The following INO80C variants were observed in gnomAD, a reference collection of about 807,000 sequenced individuals.
The protein encoded by INO80C is INO80 complex subunit C.
A neutral mutation model predicts 17.7 loss-of-function variants in INO80C; 17 were observed. The ratio of observed to expected loss-of-function variants is 0.96; its 90% confidence interval spans 0.66 to 1.44. The LOEUF is 1.44. Among genes scored for constraint, INO80C ranks in the 40% most tolerant of loss-of-function variants. The pLI is 0.00. For synonymous variants in INO80C, 96 were observed against 95.8 expected, an observed-to-expected ratio of 1.00 and a Z score of -0.01; for missense variants, 244 against 245.0, an observed-to-expected ratio of 1.00 and a Z score of 0.03.
chr18:35,471,600 CTTTTT>C (rs560644307), intron 4 of INO80C, among the ~76,000 whole-genome samples: 4 of 149,316 alleles, frequency 2.7e-5, no homozygotes, highest in African/African-American at 9.8e-5. Flanking sequence ...CACACTATTT[CTTTTT>C]TTTTTAATTT....
chr18:35,474,477 C>T lies in INO80C; in HGVS notation c.447+3805G>A, dbSNP rs535369254. 1.3e-3 allele frequency among the ~76,000 whole-genome samples: 202 copies of T among 151,402 alleles called. 1 individual carries two copies. Among genetic ancestry groups the T allele is most frequent in the South Asian group, 3.1e-3 (15 of 4,792 alleles). ...CCAAGGCAGGAGGATGACTTGAGGC[C>T]GGGAGTTCAGGACCAGCCTGGGCAA... On this transcript the variant is annotated intron_variant, in intron 4 of 4. Transcript: ENST00000334598.
Position 35,474,878 on chromosome 18 carries a change from G to A in INO80C, c.447+3404C>T, listed in dbSNP as rs564228125. On this transcript the variant is annotated intron_variant, in intron 4 of 4. Coordinates refer to ENST00000334598, the MANE Select transcript of INO80C (RefSeq NM_194281.4). ...CAGTAGATACCATCCAAACTGAACC[G>A]CAACGAAATAAGAGTTTTTAAAAGC... 1.5e-4 allele frequency among the ~76,000 whole-genome samples: 23 copies of A among 152,232 alleles called. No homozygotes were observed. In the East Asian group the frequency reaches 2.7e-3, roughly 18 times the overall value.
chr18:35,468,668 G>C lies in INO80C; in HGVS notation c.522C>G (p.Pro174=), dbSNP rs1234860993. The change falls in exon 5 of 5, where the codon CCC becomes CCG. Residue 174 remains proline, a synonymous_variant. Coordinates refer to ENST00000334598, the MANE Select transcript of INO80C (RefSeq NM_194281.4). ...IEEFSYIRRL[P]SDVVTGYLAL... ...CCAGGTAGCCGGTGACGACGTCAGA[G>C]GGCAGCCTCCGAATGTAGGAAAACT... The C allele has an allele frequency of 6.2e-7, 1 of 1,614,110 alleles. No individual in the cohort carries two copies. Among genetic ancestry groups the C allele is most frequent in the Non-Finnish European group, 8.5e-7 (1 of 1,180,010 alleles).
At chr18:35,476,777 G>A (rs2045742246) in intron 4 of INO80C, among the ~76,000 whole-genome samples, 1 of 152,134 alleles carries the variant, frequency 6.6e-6, no homozygotes, top group East Asian at 1.9e-4. Context: ...GATGTTGGGA[G>A]ATCACTTGAG....
At chr18:35,477,329 G>C (rs918253229) in intron 4 of INO80C, among the ~76,000 whole-genome samples, 1 of 152,170 alleles carries the variant, frequency 6.6e-6, no homozygotes, top group African/African-American at 2.4e-5. Flanking sequence ...TTCAGACAAA[G>C]TAGACTTCAG....
intron 1 of INO80C, chr18:35,489,366 G>T (rs1446297802): frequency 1.1e-5 from 3 of 266,936 alleles, no homozygotes; most frequent in African/African-American, 6.9e-5. Context: ...CACAATCATG[G>T]TGGAAGGCGA....
At chr18:35,496,142 C>A (rs994103094) in intron 1 of INO80C, among the ~76,000 whole-genome samples, 2 of 152,216 alleles carry the variant, frequency 1.3e-5, no homozygotes, top group African/African-American at 4.8e-5. Context: ...TACCTTCTGA[C>A]TCAGCAATTC....
chr18:35,497,231 C>T, intron 1 of INO80C: 2 of 583,728 alleles, frequency 3.4e-6, no homozygotes, highest in Non-Finnish European at 4.3e-6. Flanking sequence ...TAAGACCAAA[C>T]CTGCCTTTGG....
Position 35,468,487 on chromosome 18 carries a change from T to C in INO80C, c.*124A>G. ...ACCCTTAAATTAAAGCCAAACATTC[T>C]TTCCAAGGCACAGCACTGGCATTTT... On this transcript the variant is annotated 3_prime_UTR_variant, in exon 5 of 5. Transcript: ENST00000334598. 4.0e-6 allele frequency: 6 copies of C among 1,506,294 alleles called. No homozygotes were observed. In the East Asian group the frequency reaches 1.4e-4, roughly 34 times the overall value. 93.3% of individuals were successfully genotyped at this position (1,506,294 alleles called of 1,614,324 possible).
At position 35,478,353 on chromosome 18, in the gene INO80C, GGA is replaced by G; in HGVS notation, c.380-6_380-5del. ...GGAGGAGCATCAATACTGAAGTCTG[GGA>G]AAAAAAAAAAAAAAAGATAACTAAA... On this transcript the variant is annotated splice_region_variant and splice_polypyrimidine_tract_variant and intron_variant, in intron 3 of 4. Transcript: ENST00000334598. The G allele has an allele frequency of 1.3e-6, 2 of 1,527,052 alleles. No homozygotes were observed. Among genetic ancestry groups the G allele is most frequent in the Non-Finnish European group, 1.8e-6 (2 of 1,134,628 alleles). The allele number at this position is 1,527,052 out of a possible 1,614,324, so 94.6% of individuals were successfully genotyped here.
chr18:35,495,066 G>C (rs1407081107), intron 1 of INO80C, among the ~76,000 whole-genome samples: 2 of 152,228 alleles, frequency 1.3e-5, no homozygotes, highest in African/African-American at 4.8e-5. Flanking sequence ...CAGGGGTACT[G>C]TGCTTATGCC....
In INO80C at chr18:35,475,102, C is replaced by T. The variant is rs2045719346; in HGVS notation, c.447+3180G>A. 2.0e-5 allele frequency among the ~76,000 whole-genome samples: 3 copies of T among 150,052 alleles called. No individual in the cohort carries two copies. The Admixed American group carries it at 2.0e-4, about 10-fold the overall frequency. On this transcript the variant is annotated intron_variant, in intron 4 of 4. Transcript: ENST00000334598. Reference sequence around the variant, plus strand: ...CCTCAGAGAACATCAAGAATACATACCAGAAAAATAATACCCTGAGTCATA... The same window carrying T: ...CCTCAGAGAACATCAAGAATACATATCAGAAAAATAATACCCTGAGTCATA...
At chr18:35,479,892 T>C (rs2045784848) in intron 2 of INO80C, among the ~76,000 whole-genome samples, 2 of 151,906 alleles carry the variant, frequency 1.3e-5, no homozygotes, top group Admixed American at 1.3e-4. Flanking sequence ...CCTCTTTTTT[T>C]TTTTTTTTAT....
At chr18:35,475,017 A>G (rs1417828746) in intron 4 of INO80C, among the ~76,000 whole-genome samples, 2 of 152,254 alleles carry the variant, frequency 1.3e-5, no homozygotes, top group East Asian at 1.9e-4. Context: ...AAATATTTGA[A>G]GAAATAATAG....
At chr18:35,472,929 G>A (rs964394795) in intron 4 of INO80C, among the ~76,000 whole-genome samples, 3 of 152,178 alleles carry the variant, frequency 2.0e-5, no homozygotes, top group Non-Finnish European at 2.9e-5. Context: ...TGAACTAGGA[G>A]AGTTATCTGT....
intron 1 of INO80C, among the ~76,000 whole-genome samples, chr18:35,486,786 T>TAAAAA: frequency 1.3e-5 from 1 of 79,658 alleles, no homozygotes; most frequent in African/African-American, 5.3e-5. Context: ...CCCAATTTCT[T>TAAAAA]AAAAAAAAAA....
At chr18:35,477,719 C>A (rs892994904) in intron 4 of INO80C, among the ~76,000 whole-genome samples, 4 of 152,196 alleles carry the variant, frequency 2.6e-5, no homozygotes, top group Non-Finnish European at 2.9e-5. Context: ...CTGGCAGTTT[C>A]TGAATTGTGT....
intron 1 of INO80C, among the ~76,000 whole-genome samples, chr18:35,496,426 G>C (rs998009550): frequency 1.3e-5 from 2 of 152,220 alleles, no homozygotes; most frequent in African/African-American, 4.8e-5. Context: ...AAGGGTGGCT[G>C]AACAGTGGGT....
chr18:35,479,015 A>G (rs1364665764), intron 3 of INO80C: 2 of 266,584 alleles, frequency 7.5e-6, no homozygotes, highest in African/African-American at 4.5e-5. Context: ...TTTTAAGAGT[A>G]GACTTTTGAA....
Sources: allele counts gnomAD v4.1 joint callset (sites outside exome capture counted in the v4.1 genomes callset), GRCh38; gene constraint gnomAD v4.1.1; transcripts MANE v1.5; gene names NCBI Gene and HGNC (gene_info 2026-07-23, HGNC 2026-07-21).